The following FAF2 variants were observed in gnomAD, a reference collection of about 807,000 sequenced individuals.
FAF2 encodes Fas associated factor family member 2, also known as FAS-associated factor 2.
Under a neutral mutation model 62.3 loss-of-function variants are expected in FAF2, and 9 were observed. The observed-to-expected ratio is 0.14, with a 90% CI of 0.09 to 0.25. The LOEUF is 0.25. FAF2 is among the 10% of genes least tolerant of loss of function. The pLI is 1.00. For synonymous variants in FAF2, 202 were observed against 198.0 expected, an observed-to-expected ratio of 1.02 and a Z score of -0.17; for missense variants, 368 against 556.2, an observed-to-expected ratio of 0.66 and a Z score of 3.40.
rs1755735983 is a variant in FAF2 at position 176,509,167 on chromosome 5, A to G, written c.*2217A>G. The G allele has an allele frequency of 6.6e-6, 1 of 152,238 alleles. No individual in the cohort carries two copies. The highest frequency in any genetic ancestry group is 1.5e-5 in the Non-Finnish European group (1 of 68,066). 9.4% of individuals were successfully genotyped at this position (152,238 alleles called of 1,614,324 possible). On this transcript the variant is annotated 3_prime_UTR_variant, in exon 11 of 11. Coordinates refer to ENST00000261942, the MANE Select transcript of FAF2 (RefSeq NM_014613.3). ...TCACCGGAAGCACATGCCCCGGTCT[A>G]GTCCCATTTGAAACAGTTCTGCTTT...
chr5:176,506,998 G>A lies in FAF2; in HGVS notation c.*48G>A. On this transcript the variant is annotated 3_prime_UTR_variant, in exon 11 of 11. Coordinates refer to ENST00000261942, the MANE Select transcript of FAF2 (RefSeq NM_014613.3). The stretch of plus-strand genomic sequence containing the variant: ...CCTACCCCAGTCCCTAAAAGAAATG[G>A]GGAAAAAAGAAAACAACAGCAAGTC... 7.6e-6 allele frequency: 10 copies of A among 1,313,374 alleles called. No homozygotes were observed. Among genetic ancestry groups the A allele is most frequent in the Non-Finnish European group, 9.9e-6 (10 of 1,010,778 alleles). The allele number at this position is 1,313,374 out of a possible 1,614,324, so 81.4% of individuals were successfully genotyped here. A position where few individuals can be genotyped will look rare whatever the true frequency, so the allele number is the denominator to read the frequency against.
intron 1 of FAF2, among the ~76,000 whole-genome samples, chr5:176,468,099 A>G (rs987252811): frequency 6.6e-6 from 1 of 152,148 alleles, no homozygotes; most frequent in Non-Finnish European, 1.5e-5. Context: ...CTGGAAGCGG[A>G]GATTGTGGTG....
At chr5:176,461,520 G>T (rs1207261637) in intron 1 of FAF2, among the ~76,000 whole-genome samples, 1 of 151,214 alleles carries the variant, frequency 6.6e-6, no homozygotes, top group East Asian at 1.9e-4. Context: ...TAGAGATAGG[G>T]TCTTGCTGTG....
rs185858345 is a variant in FAF2 at position 176,470,571 on chromosome 5, T to G, written c.64-8617T>G. ...CAGCCTGGGCAACAAAGAGCGAAAC[T>G]CTGTCTCCAAACATATAAATGAATA... On this transcript the variant is annotated intron_variant, in intron 1 of 10. Transcript: ENST00000261942. Among the ~76,000 whole-genome samples the G allele has an allele frequency of 3.3e-3, 502 of 152,364 alleles. 3 individuals carry two copies. Among genetic ancestry groups the G allele is most frequent in the Admixed American group, 5.0e-3 (77 of 15,310 alleles).
chr5:176,469,796 A>T (rs1011832983), intron 1 of FAF2, among the ~76,000 whole-genome samples: 13 of 152,216 alleles, frequency 8.5e-5, no homozygotes, highest in Admixed American at 7.9e-4. Context: ...AGCCAGTTAG[A>T]GTATTGTATA....
intron 8 of FAF2, among the ~76,000 whole-genome samples, 159 bp from the exon 9 acceptor site, chr5:176,498,755 C>T (rs1755541407): frequency 1.3e-5 from 2 of 152,268 alleles, no homozygotes; most frequent in South Asian, 4.1e-4. Flanking sequence ...GATTCTGCCA[C>T]GCTCTGCTTT....
intron 2 of FAF2, 121 bp from the exon 3 acceptor site, chr5:176,486,234 T>G: frequency 8.0e-7 from 1 of 1,248,170 alleles, no homozygotes; most frequent in South Asian, 1.5e-5. Flanking sequence ...CACTCCTCAG[T>G]GACCTTTTGG....
At position 176,458,973 on chromosome 5, in the gene FAF2, A is replaced by G. The variant is rs1056573800; in HGVS notation, c.63+10503A>G. Among the ~76,000 whole-genome samples, 3 of 152,034 alleles carry G rather than the reference A, an allele frequency of 2.0e-5. No individual in the cohort carries two copies. In the East Asian group the frequency reaches 5.8e-4, roughly 29 times the overall value. The stretch of plus-strand genomic sequence containing the variant: ...GATAAGTTCCTTGAAGGACTTAAGG[A>G]TTTGTTTACTGGTGTGTAGTAATTG... On this transcript the variant is annotated intron_variant, in intron 1 of 10. Coordinates refer to ENST00000261942, the MANE Select transcript of FAF2 (RefSeq NM_014613.3).
intron 1 of FAF2, among the ~76,000 whole-genome samples, chr5:176,473,957 C>T (rs947869642): frequency 6.6e-6 from 1 of 152,152 alleles, no homozygotes; most frequent in Admixed American, 6.5e-5. Context: ...ATATTTCCGG[C>T]CCCAGTCCTA....
chr5:176,479,317 C>A, intron 2 of FAF2, 61 bp downstream of exon 2: 2 of 1,341,518 alleles, frequency 1.5e-6, no homozygotes, highest in South Asian at 1.2e-5. Context: ...GAGTCAAAAC[C>A]GTATGTTTTT....
intron 1 of FAF2, among the ~76,000 whole-genome samples, chr5:176,475,142 T>C (rs1758665982): frequency 6.6e-6 from 1 of 152,078 alleles, no homozygotes. Flanking sequence ...TTAAGGTTAT[T>C]ATTATTATTA....
chr5:176,480,648 A>G (rs1758771535), intron 2 of FAF2, among the ~76,000 whole-genome samples: 1 of 152,046 alleles, frequency 6.6e-6, no homozygotes, highest in African/African-American at 2.4e-5. Context: ...CCTGGGCTCA[A>G]GCAATCCTCC....
chr5:176,500,590 G>A (rs1198031097), intron 10 of FAF2, among the ~76,000 whole-genome samples: 2 of 152,104 alleles, frequency 1.3e-5, no homozygotes, highest in African/African-American at 4.8e-5. Context: ...CTTGCAGTTT[G>A]GATGCAGTTG....
chr5:176,483,859 G>A (rs941574703), intron 2 of FAF2, among the ~76,000 whole-genome samples: 3 of 152,148 alleles, frequency 2.0e-5, no homozygotes, highest in East Asian at 1.9e-4. Context: ...GGTGGATCAC[G>A]AGGTCGGGAA....
At chr5:176,489,732 A>C (rs1467607988) in intron 4 of FAF2, among the ~76,000 whole-genome samples, 5 of 151,890 alleles carry the variant, frequency 3.3e-5, no homozygotes, top group African/African-American at 1.2e-4. Context: ...GAGACAGTAG[A>C]GATGGAGTCT....
At chr5:176,499,678 C>T (rs1755560027) in intron 9 of FAF2, among the ~76,000 whole-genome samples, 1 of 151,462 alleles carries the variant, frequency 6.6e-6, no homozygotes, top group Non-Finnish European at 1.5e-5. Flanking sequence ...AGTGGCTATT[C>T]ACCAGTGCAA....
intron 1 of FAF2, among the ~76,000 whole-genome samples, chr5:176,467,194 G>A (rs1287009070): frequency 1.4e-5 from 2 of 138,638 alleles, no homozygotes; most frequent in East Asian, 4.5e-4. Flanking sequence ...ATTTATGGTA[G>A]CAATTGATGA....
chr5:176,480,388 A>G (rs1424642398), intron 2 of FAF2, among the ~76,000 whole-genome samples: 1 of 151,838 alleles, frequency 6.6e-6, no homozygotes, highest in Non-Finnish European at 1.5e-5. Flanking sequence ...CTGGCATTAT[A>G]TTAGTGAACA....
intron 1 of FAF2, among the ~76,000 whole-genome samples, chr5:176,472,813 G>T (rs767890875): frequency 4.0e-5 from 6 of 151,754 alleles, no homozygotes; most frequent in Non-Finnish European, 8.8e-5. Context: ...GAAAAATATT[G>T]CCTGAAATGA....
Sources: gnomAD v4.1 joint callset for allele counts (sites outside exome capture counted in the v4.1 genomes callset) on GRCh38, gnomAD v4.1.1 for gene constraint, MANE v1.5 for transcripts, NCBI Gene and HGNC (gene_info 2026-07-23, HGNC 2026-07-21) for gene names.